DCAF7: variants seen among roughly 807,000 people sequenced by gnomAD.
DCAF7 encodes DDB1 and CUL4 associated factor 7, also known as DDB1- and CUL4-associated factor 7.
A neutral mutation model predicts 41.2 loss-of-function variants in DCAF7; 4 were observed. The ratio of observed to expected loss-of-function variants is 0.10; its 90% confidence interval spans 0.05 to 0.22. The LOEUF (loss-of-function observed/expected upper bound fraction) is 0.22, where lower values mean the gene tolerates loss of function less well. Among genes scored for constraint, DCAF7 ranks in the 10% least tolerant of loss-of-function variants. DCAF7 has a pLI of 1.00. For synonymous variants in DCAF7, 143 were observed against 164.2 expected, an observed-to-expected ratio of 0.87 and a Z score of 0.99; for missense variants, 131 against 443.2, an observed-to-expected ratio of 0.30 and a Z score of 6.32.
At position 63,592,282 on chromosome 17, in the gene DCAF7, G is replaced by GT. The variant is rs2033742188; in HGVS notation, c.*3111dup. 6.6e-6 allele frequency: 1 copy of GT among 152,160 alleles called. No homozygotes were observed. The highest frequency in any genetic ancestry group is 6.6e-5 in the Admixed American group (1 of 15,254). The allele number at this position is 152,160 out of a possible 1,614,324, so 9.4% of individuals were successfully genotyped here. On this transcript the variant is annotated 3_prime_UTR_variant, in exon 7 of 7. Transcript: ENST00000614556. ...TAGCCGGGGGTGGTGGCGGGTACCT[G>GT]TAGTCCTAGCTACTTGGGAGGCTGA... is the stretch of plus-strand genomic sequence containing the variant.
chr17:63,559,312 T>A (rs2033344034), intron 1 of DCAF7, among the ~76,000 whole-genome samples: 1 of 92,408 alleles, frequency 1.1e-5, no homozygotes. Flanking sequence ...CCCATATATA[T>A]ATATATATGT....
intron 2 of DCAF7, 84 bp downstream of exon 2, chr17:63,578,712 G>A: frequency 6.3e-7 from 1 of 1,574,888 alleles, no homozygotes. Flanking sequence ...GAACAGACAG[G>A]GGTCAGAGGC....
chr17:63,572,646 C>G (rs1235287043), intron 1 of DCAF7, among the ~76,000 whole-genome samples: 1 of 152,194 alleles, frequency 6.6e-6, no homozygotes, highest in Admixed American at 6.5e-5. Flanking sequence ...TTCATGCTCC[C>G]TGGTGTATCC....
chr17:63,552,161 C>T (rs933851560), intron 1 of DCAF7, among the ~76,000 whole-genome samples: 2 of 152,170 alleles, frequency 1.3e-5, no homozygotes, highest in Non-Finnish European at 2.9e-5. Flanking sequence ...TGGTTATTGA[C>T]TAGCTGTGAG....
At chr17:63,576,829 G>C (rs1260432163) in intron 1 of DCAF7, among the ~76,000 whole-genome samples, 1 of 152,212 alleles carries the variant, frequency 6.6e-6, no homozygotes, top group Non-Finnish European at 1.5e-5. Flanking sequence ...CTGGAGGATT[G>C]CTTAAGCCCA....
Position 63,558,723 on chromosome 17 carries a change from T to A in DCAF7, c.138+7908T>A, listed in dbSNP as rs149049894. 5.9e-5 allele frequency among the ~76,000 whole-genome samples: 9 copies of A among 152,320 alleles called. No individual in the cohort carries two copies. In the East Asian group the frequency reaches 1.7e-3, roughly 29 times the overall value. ...CTCCTGCCTGCCCAACCCAAAGTGC[T>A]GGGGTTACAGGCATAGGCCACCATA... On this transcript the variant is annotated intron_variant, in intron 1 of 6. Transcript: ENST00000614556.
chr17:63,583,415 A>T, intron 4 of DCAF7, 87 bp from the exon 5 acceptor site: 1 of 1,188,172 alleles, frequency 8.4e-7, no homozygotes, highest in Non-Finnish European at 1.2e-6. Flanking sequence ...AGCGAGGTTT[A>T]GATGAACTGG....
At chr17:63,578,376 C>A in intron 1 of DCAF7, 94 bp from the exon 2 acceptor site, 2 of 1,552,244 alleles carry the variant, frequency 1.3e-6, no homozygotes, top group South Asian at 1.2e-5. Flanking sequence ...AAACAAAAAA[C>A]AAACAAAAAA....
At chr17:63,582,866 A>G (rs1465541943) in intron 4 of DCAF7, among the ~76,000 whole-genome samples, 1 of 152,244 alleles carries the variant, frequency 6.6e-6, no homozygotes, top group African/African-American at 2.4e-5. Context: ...GAAAACAGTG[A>G]TTCAGAACCT....
rs1568097771 is a variant in DCAF7 at position 63,559,385 on chromosome 17, A to ATG, written c.138+8572_138+8573dup. 3.0e-3 allele frequency among the ~76,000 whole-genome samples: 136 copies of ATG among 44,676 alleles called. 1 individual carries two copies. Among genetic ancestry groups the ATG allele is most frequent in the African/African-American group, 0.011 (129 of 11,498 alleles). 29.3% of individuals were successfully genotyped at this position (44,676 alleles called of 152,430 possible). A position where few individuals can be genotyped will look rare whatever the true frequency, so the allele number is the denominator to read the frequency against. ...TATGTATATATATATGTGTATATAT[A>ATG]TGTATATATATATGTATATATATGT... is the stretch of plus-strand genomic sequence containing the variant. On this transcript the variant is annotated intron_variant, in intron 1 of 6. Transcript: ENST00000614556.
intron 1 of DCAF7, among the ~76,000 whole-genome samples, chr17:63,564,880 C>T (rs748302863): frequency 6.6e-6 from 1 of 152,240 alleles, no homozygotes; most frequent in Non-Finnish European, 1.5e-5. Context: ...GGCAAAAACT[C>T]ATCCTTCCTA....
At chr17:63,582,869 C>T (rs1190689466) in intron 4 of DCAF7, among the ~76,000 whole-genome samples, 1 of 152,182 alleles carries the variant, frequency 6.6e-6, no homozygotes, top group Non-Finnish European at 1.5e-5. Flanking sequence ...AACAGTGATT[C>T]AGAACCTAAA....
chr17:63,572,832 A>T (rs1047360149), intron 1 of DCAF7, among the ~76,000 whole-genome samples: 2 of 152,132 alleles, frequency 1.3e-5, no homozygotes, highest in African/African-American at 4.8e-5. Context: ...GCATGATCTC[A>T]GCTCACTGCA....
intron 1 of DCAF7, among the ~76,000 whole-genome samples, chr17:63,562,033 G>C (rs539438709): frequency 6.7e-6 from 1 of 149,616 alleles, no homozygotes. Context: ...AAAAAACTTA[G>C]GGGGAAAAAG....
In DCAF7 at chr17:63,589,096, A is replaced by AT. The variant is rs772987029; in HGVS notation, c.954dup (p.Val319CysfsTer100). On this transcript the variant is annotated frameshift_variant, in exon 7 of 7. Coordinates refer to ENST00000614556, the MANE Select transcript of DCAF7 (RefSeq NM_005828.5). LOFTEE classifies it high-confidence loss of function. ...TACACAGCTGAAGGAGAGATCAACA[A>AT]TGTGCAGTGGGCATCAACTCAGCCC... 6.2e-7 allele frequency: 1 copy of AT among 1,613,976 alleles called. No individual in the cohort carries two copies. Among genetic ancestry groups the AT allele is most frequent in the Non-Finnish European group, 8.5e-7 (1 of 1,179,890 alleles).
Position 63,578,570 on chromosome 17 carries a change from C to G in DCAF7, c.239C>G (p.Thr80Arg). 1 of 1,614,020 alleles carries G rather than the reference C, an allele frequency of 6.2e-7. No homozygotes were observed. Among genetic ancestry groups the G allele is most frequent in the Non-Finnish European group, 8.5e-7 (1 of 1,179,882 alleles). The part of the protein sequence containing the change: ...PTTKLMWIPD[T>R]KGVYPDLLAT... ...ACAAAGCTCATGTGGATCCCTGACA[C>G]AAAAGGCGTCTATCCAGACCTACTG... The change falls in exon 2 of 7, where the codon ACA (threonine) becomes AGA (arginine). Residue 80 changes from threonine (T) to arginine (R), a missense_variant. Thr to Arg is a moderately conservative substitution (Grantham distance 71). Coordinates refer to ENST00000614556, the MANE Select transcript of DCAF7 (RefSeq NM_005828.5).
chr17:63,587,448 C>T (rs2033689033), intron 6 of DCAF7, among the ~76,000 whole-genome samples: 1 of 152,136 alleles, frequency 6.6e-6, no homozygotes, highest in Non-Finnish European at 1.5e-5. Flanking sequence ...CTGCTCCTGG[C>T]TGCTGCCTTT....
intron 1 of DCAF7, among the ~76,000 whole-genome samples, chr17:63,554,214 C>G (rs1423520826): frequency 6.6e-6 from 1 of 152,140 alleles, no homozygotes; most frequent in East Asian, 1.9e-4. Context: ...CAAAAAACAG[C>G]CTCATTATTG....
At chr17:63,552,668 G>T (rs2033269830) in intron 1 of DCAF7, 1 of 152,186 alleles carries the variant, frequency 6.6e-6, no homozygotes, top group East Asian at 1.9e-4. Context: ...GTTTTTTCTT[G>T]TAAGTTTTTC....
Sources: gnomAD v4.1 joint callset for allele counts (sites outside exome capture counted in the v4.1 genomes callset) on GRCh38, gnomAD v4.1.1 for gene constraint, MANE v1.5 for transcripts, NCBI Gene and HGNC (gene_info 2026-07-23, HGNC 2026-07-21) for gene names.